RNF123: variants seen among roughly 807,000 people sequenced by gnomAD.
RNF123 encodes the protein ring finger protein 123, also known as E3 ubiquitin-protein ligase RNF123.
In RNF123, 86 loss-of-function variants were observed where a neutral mutation model predicts 168.5. The ratio of observed to expected loss-of-function variants is 0.51; its 90% CI spans 0.43 to 0.61. The LOEUF is 0.61. Ranked by LOEUF, RNF123 falls within the 20% of genes least tolerant of loss-of-function variation. The pLI, the probability that RNF123 is intolerant of heterozygous loss-of-function variation, is 0.00. For missense variants in RNF123, 1,419 were observed against 1,729.7 expected (o/e 0.82, Z 3.19); for synonymous variants, 666 against 689.1 (o/e 0.97, Z 0.52).
chr3:49,696,548 A>C (rs2054271674), intron 3 of RNF123, among the ~76,000 whole-genome samples: 1 of 151,882 alleles, frequency 6.6e-6, no homozygotes. Flanking sequence ...CATGTTGGCC[A>C]GGCTGGTCTT....
chr3:49,713,632 G>A (rs1425314304), intron 28 of RNF123, 45 bp downstream of exon 28: 1 of 1,593,652 alleles, frequency 6.3e-7, no homozygotes, highest in Non-Finnish European at 8.6e-7. Context: ...GGATGGGATG[G>A]CACCTCTGGT....
At chr3:49,700,084 C>T (rs1448142347) in intron 12 of RNF123, 143 bp from the exon 13 acceptor site, 48 of 1,231,316 alleles carry the variant, frequency 3.9e-5, no homozygotes, top group South Asian at 3.0e-5. Flanking sequence ...AGTCAGACCC[C>T]GGAAGGGGTC....
chr3:49,707,210 C>T (rs2054536601), intron 26 of RNF123, among the ~76,000 whole-genome samples: 1 of 151,328 alleles, frequency 6.6e-6, no homozygotes, highest in Admixed American at 6.6e-5. Flanking sequence ...TCTCCCAGTG[C>T]ATCAGGGGCT....
intron 27 of RNF123, chr3:49,713,078 C>T (rs2080174375): frequency 1.6e-6 from 1 of 607,798 alleles, no homozygotes; most frequent in Admixed American, 2.8e-5. Context: ...GGGTCCACAT[C>T]CGAACCTGGG....
rs772933517 is a variant in RNF123, at chr3:49,698,112, C to T, written c.458C>T (p.Thr153Ile). Residue 153 changes from threonine to isoleucine, a missense_variant, in exon 7 of 39, where the codon ACC (threonine) becomes ATC (isoleucine). Transcript: ENST00000327697. ...SQGLMQIGWC[T>I]ISCRFNQEEG... ...GGGCTCATGCAGATCGGCTGGTGCA[C>T]CATCAGCTGCCGCTTCAACCAGGAG... The T allele has an allele frequency of 1.2e-6, 2 of 1,613,742 alleles. No individual in the cohort carries two copies. The highest frequency in any genetic ancestry group is 1.1e-5 in the South Asian group (1 of 91,074).
chr3:49,717,728 G>A, intron 35 of RNF123: 1 of 607,326 alleles, frequency 1.6e-6, no homozygotes, highest in Non-Finnish European at 2.9e-6. Flanking sequence ...AGGGCCTGGG[G>A]CCTTTGGGTC....
In RNF123 at chr3:49,698,145, T is replaced by C. The variant is rs779250038; in HGVS notation, c.483+8T>C. 23 of 1,612,644 alleles carry C rather than the reference T, an allele frequency of 1.4e-5. No homozygotes were observed. Among genetic ancestry groups the C allele is most frequent in the Non-Finnish European group, 1.9e-5 (22 of 1,179,100 alleles). On this transcript the variant is annotated splice_region_variant and intron_variant, in intron 7 of 38. Transcript: ENST00000327697. Reference sequence around the variant, plus strand: ...TGCCGCTTCAACCAGGAGGTACACGTTGGGGAGGGGACCCCTCCCTGGGCC... The same window carrying C: ...TGCCGCTTCAACCAGGAGGTACACGCTGGGGAGGGGACCCCTCCCTGGGCC...
chr3:49,713,389 TG>T, intron 27 of RNF123, 123 bp from the exon 28 acceptor site: 1 of 873,730 alleles, frequency 1.1e-6, no homozygotes, highest in Non-Finnish European at 1.8e-6. Flanking sequence ...GATGCCACCC[TG>T]GGTCCAGGCT....
chr3:49,702,919 G>A (rs1403836449), intron 20 of RNF123, among the ~76,000 whole-genome samples, 166 bp downstream of exon 20: 8 of 152,158 alleles, frequency 5.3e-5, no homozygotes, highest in Admixed American at 5.2e-4. Context: ...TTCTCCACTG[G>A]GGCAGCAGGA....
intron 18 of RNF123, 29 bp downstream of exon 18, chr3:49,702,173 G>A (rs747485755): frequency 3.1e-6 from 5 of 1,611,472 alleles, no homozygotes; most frequent in Non-Finnish European, 4.2e-6. Flanking sequence ...CCCTGGGTGG[G>A]GCCCTGTGGG....
chr3:49,701,199 G>T (rs2054374677), intron 15 of RNF123, among the ~76,000 whole-genome samples: 1 of 152,244 alleles, frequency 6.6e-6, no homozygotes, highest in Non-Finnish European at 1.5e-5. Context: ...AGAGGTCAGA[G>T]TTGGGGCCTG....
intron 5 of RNF123, 59 bp downstream of exon 5, chr3:49,697,516 T>G (rs2054292813): frequency 3.7e-6 from 5 of 1,356,506 alleles, no homozygotes; most frequent in Non-Finnish European, 5.0e-6. Context: ...AGCCCCAGGC[T>G]CCTCCTGATG....
At chr3:49,700,443 C>T (rs748632217) in intron 13 of RNF123, 29 bp from the exon 14 acceptor site, 1 of 1,612,676 alleles carries the variant, frequency 6.2e-7, no homozygotes, top group Non-Finnish European at 8.5e-7. Context: ...AGGCCCCAGT[C>T]ATGGCTGCCT....
intron 5 of RNF123, 29 bp from the exon 6 acceptor site, chr3:49,697,856 C>T (rs2054299348): frequency 1.2e-6 from 2 of 1,613,830 alleles, no homozygotes; most frequent in Non-Finnish European, 1.7e-6. Context: ...TGCCTGGGAG[C>T]TAGCCCACCA....
intron 20 of RNF123, 59 bp from the exon 21 acceptor site, chr3:49,703,356 AGGGGAGGGCTGT>A: frequency 1.6e-6 from 2 of 1,243,298 alleles, no homozygotes; most frequent in African/African-American, 1.5e-5. Context: ...GCCAGATTGG[AGGGGAGGGCTGT>A]GGGGAGGGTC....
chr3:49,696,089 G>A (rs1439129243), intron 3 of RNF123, among the ~76,000 whole-genome samples: 1 of 152,190 alleles, frequency 6.6e-6, no homozygotes, highest in Non-Finnish European at 1.5e-5. Context: ...GGGTGGTGGC[G>A]AGACTGGAAT....
At chr3:49,705,704 T>C in intron 24 of RNF123, 25 bp downstream of exon 24, 2 of 1,613,918 alleles carry the variant, frequency 1.2e-6, no homozygotes, top group Non-Finnish European at 1.7e-6. Flanking sequence ...GACCCCGCAT[T>C]GGGTGGCGGG....
chr3:49,709,669 C>T (rs980585277), intron 26 of RNF123, among the ~76,000 whole-genome samples: 1 of 150,208 alleles, frequency 6.7e-6, no homozygotes, highest in Non-Finnish European at 1.5e-5. Context: ...GAACTCCCGA[C>T]CTCAGGTGAT....
rs747208787 is a variant in RNF123, at chr3:49,699,127, T to C, written c.764+22T>C. On this transcript the variant is annotated intron_variant, in intron 10 of 38. Transcript: ENST00000327697. This position sits in a 1 kb window ranked among gnomAD's most constrained non-coding sequence, Gnocchi z 4.8. Reference sequence around the variant, plus strand: ...TGCGATATCATTTTGTGAAGATGGCTGTGGGCTGCTCAGAAGCTCTTGGGG... The same window carrying C: ...TGCGATATCATTTTGTGAAGATGGCCGTGGGCTGCTCAGAAGCTCTTGGGG... 9.3e-6 allele frequency: 15 copies of C among 1,609,634 alleles called. No homozygotes were observed. In the East Asian group the frequency reaches 3.3e-4, roughly 36 times the overall value.
Sources: allele counts gnomAD v4.1 joint callset (sites outside exome capture counted in the v4.1 genomes callset), GRCh38; gene constraint gnomAD v4.1.1; non-coding constraint Gnocchi (gnomAD v3.1); transcripts MANE v1.5; gene names NCBI Gene and HGNC (gene_info 2026-07-23, HGNC 2026-07-21).